TBC1D5: variants seen among roughly 807,000 people sequenced by gnomAD.
TBC1D5 encodes TBC1 domain family, member 5.
TBC1D5 carries 75 observed loss-of-function variants against 100.3 expected under a neutral mutation model. The observed-to-expected ratio is 0.75, with a 90% CI of 0.62 to 0.91. The LOEUF (loss-of-function observed/expected upper bound fraction) is 0.91. Ranked by LOEUF, TBC1D5 falls within the 40% of genes least tolerant of loss-of-function variation. TBC1D5 has a pLI of 0.00. For missense variants in TBC1D5, 910 were observed against 942.4 expected (o/e 0.97, Z 0.45); for synonymous variants, 323 against 325.6 (o/e 0.99, Z 0.09).
intron 1 of TBC1D5, among the ~76,000 whole-genome samples, chr3:17,688,953 A>C (rs1355935562): frequency 6.6e-6 from 1 of 152,162 alleles, no homozygotes; most frequent in African/African-American, 2.4e-5. Context: ...AATTGTCCCG[A>C]ATTTTCCAGA....
chr3:17,728,786 T>C (rs1159307433), intron 1 of TBC1D5, among the ~76,000 whole-genome samples: 1 of 151,954 alleles, frequency 6.6e-6, no homozygotes, highest in Non-Finnish European at 1.5e-5. Flanking sequence ...TAGCATCAAT[T>C]AAGTGTTAAC....
chr3:17,595,887 G>GTTAAAATGTA (rs1344340479), intron 2 of TBC1D5, among the ~76,000 whole-genome samples: 1 of 152,170 alleles, frequency 6.6e-6, no homozygotes. Flanking sequence ...TGCTAGAAGT[G>GTTAAAATGTA]TTAACATTTT....
At chr3:17,354,060 G>A (rs988320044) in intron 13 of TBC1D5, among the ~76,000 whole-genome samples, 11 of 151,722 alleles carry the variant, frequency 7.3e-5, no homozygotes, top group Non-Finnish European at 1.5e-4. Context: ...AAAAAGACAC[G>A]GTATGTAGTG....
intron 3 of TBC1D5, among the ~76,000 whole-genome samples, chr3:17,490,094 T>A (rs1207122732): frequency 6.6e-6 from 1 of 152,190 alleles, no homozygotes; most frequent in Non-Finnish European, 1.5e-5. Context: ...TCTCTAATGA[T>A]CAATGATGTT....
intron 14 of TBC1D5, among the ~76,000 whole-genome samples, chr3:17,302,175 C>T (rs1010563862): frequency 1.3e-5 from 2 of 152,080 alleles, no homozygotes; most frequent in African/African-American, 2.4e-5. Flanking sequence ...AATTTGTTTC[C>T]TATTTCTCTC....
At chr3:17,532,600 T>C (rs9682306) in intron 2 of TBC1D5, among the ~76,000 whole-genome samples, 10,454 of 152,084 alleles carry the variant, frequency 0.069, 708 homozygotes, top group African/African-American at 0.18. Context: ...TGTCCAACAA[T>C]GATAGACTGG....
chr3:17,529,613 C>T (rs545427706), intron 2 of TBC1D5, among the ~76,000 whole-genome samples: 7 of 152,010 alleles, frequency 4.6e-5, no homozygotes, highest in South Asian at 4.2e-4. Context: ...ATGCCTAACA[C>T]GGTGCTGGTA....
At chr3:17,351,695 T>C (rs547612375) in intron 13 of TBC1D5, among the ~76,000 whole-genome samples, 1 of 152,126 alleles carries the variant, frequency 6.6e-6, no homozygotes, top group Admixed American at 6.6e-5. Flanking sequence ...ACCTGCACGT[T>C]CTGCACATTT....
At chr3:17,333,180 A>G (rs951191192) in intron 13 of TBC1D5, 6 of 152,482 alleles carry the variant, frequency 3.9e-5, no homozygotes, top group African/African-American at 1.2e-4. Flanking sequence ...TATTTCATAT[A>G]TCCAGTTAAA....
intron 1 of TBC1D5, among the ~76,000 whole-genome samples, chr3:17,733,311 A>G (rs1394893310): frequency 6.6e-6 from 1 of 152,214 alleles, no homozygotes; most frequent in East Asian, 1.9e-4. Flanking sequence ...TAAGTAGTCC[A>G]TGGCAGGAAC....
chr3:17,217,488 T>C (rs2073788547), intron 17 of TBC1D5, among the ~76,000 whole-genome samples: 1 of 152,104 alleles, frequency 6.6e-6, no homozygotes, highest in Non-Finnish European at 1.5e-5. Flanking sequence ...TACATTTCCA[T>C]CAGTATTGTA....
chr3:17,340,826 A>G (rs890796915), intron 13 of TBC1D5: 3 of 152,208 alleles, frequency 2.0e-5, no homozygotes, highest in Non-Finnish European at 2.9e-5. Flanking sequence ...CATTTATAAA[A>G]TAAGTACAGC....
intron 4 of TBC1D5, among the ~76,000 whole-genome samples, chr3:17,417,641 G>T (rs527547481): frequency 6.6e-6 from 1 of 152,124 alleles, no homozygotes; most frequent in African/African-American, 2.4e-5. Context: ...GAATAGTGCC[G>T]CAATAAACAT....
chr3:17,733,520 TATA>T (rs755388768), intron 1 of TBC1D5, among the ~76,000 whole-genome samples: 2 of 152,104 alleles, frequency 1.3e-5, no homozygotes, highest in Non-Finnish European at 2.9e-5. Flanking sequence ...CAGCAATAAT[TATA>T]AAGGAAGAGA....
intron 17 of TBC1D5, among the ~76,000 whole-genome samples, chr3:17,221,657 G>A (rs2074304197): frequency 6.6e-6 from 1 of 152,116 alleles, no homozygotes; most frequent in Non-Finnish European, 1.5e-5. Flanking sequence ...GCTGGGAATG[G>A]GCCTCAGTTA....
intron 1 of TBC1D5, among the ~76,000 whole-genome samples, chr3:17,629,624 T>C (rs1329984837): frequency 6.6e-6 from 1 of 152,020 alleles, no homozygotes; most frequent in Non-Finnish European, 1.5e-5. Context: ...GTGAGAAAAA[T>C]AAGCTTTAGT....
intron 2 of TBC1D5, among the ~76,000 whole-genome samples, chr3:17,584,021 A>C (rs1350431307): frequency 6.6e-6 from 1 of 152,208 alleles, no homozygotes; most frequent in Non-Finnish European, 1.5e-5. Flanking sequence ...GTAATGAAGT[A>C]ATAATAAGTG....
intron 3 of TBC1D5, among the ~76,000 whole-genome samples, chr3:17,466,185 A>G (rs1191715955): frequency 6.6e-6 from 1 of 152,192 alleles, no homozygotes; most frequent in Non-Finnish European, 1.5e-5. Flanking sequence ...CCATGGAAGA[A>G]CACATCCCAG....
chr3:17,490,140 G>A (rs2095620195), intron 3 of TBC1D5, among the ~76,000 whole-genome samples: 2 of 152,120 alleles, frequency 1.3e-5, no homozygotes, highest in East Asian at 1.9e-4. Flanking sequence ...CCACATGTAT[G>A]TCTTCTATTG....
Sources: gnomAD v4.1 joint callset for allele counts (sites outside exome capture counted in the v4.1 genomes callset) on GRCh38, gnomAD v4.1.1 for gene constraint, MANE v1.5 for transcripts, NCBI Gene and HGNC (gene_info 2026-07-23, HGNC 2026-07-21) for gene names.